CSTPP1: variants seen among roughly 807,000 people sequenced by gnomAD.
CSTPP1 encodes UPF0705 protein C11orf49.
chr11:47,003,560 CTCAGGATCCT>C, the CSTPP1 span, among the ~76,000 whole-genome samples: 105 of 152,342 alleles, frequency 6.9e-4, 1 homozygote, highest in African/African-American at 2.4e-3. Flanking sequence ...CAAATTGTCT[CTCAGGATCCT>C]TCAGGAGGGG....
At chr11:47,060,179 C>T in the CSTPP1 span, among the ~76,000 whole-genome samples, 4 of 150,826 alleles carry the variant, frequency 2.7e-5, no homozygotes, top group Middle Eastern at 3.5e-3. Context: ...AAGGCCACAG[C>T]GCTTATAAGT....
chr11:47,078,450 G>T, the CSTPP1 span, among the ~76,000 whole-genome samples: 3 of 152,196 alleles, frequency 2.0e-5, no homozygotes, highest in Non-Finnish European at 4.4e-5. Context: ...GTCTATGAAA[G>T]ATTTTTTAGA....
chr11:47,051,548 G>A, the CSTPP1 span, among the ~76,000 whole-genome samples: 2 of 151,868 alleles, frequency 1.3e-5, no homozygotes, highest in Admixed American at 1.3e-4. Context: ...TTGGCACATG[G>A]GATTTGTCTC....
At chr11:47,152,574 G>A in the CSTPP1 span, among the ~76,000 whole-genome samples, 19 of 152,216 alleles carry the variant, frequency 1.2e-4, no homozygotes, top group African/African-American at 4.1e-4. Context: ...CTTCTGCTCC[G>A]AGGCAGGCTC....
the CSTPP1 span, among the ~76,000 whole-genome samples, chr11:47,028,498 TACTGTAGTTCTAAGA>T: frequency 6.6e-6 from 1 of 152,138 alleles, no homozygotes; most frequent in Non-Finnish European, 1.5e-5. Flanking sequence ...TAATTAGAAA[TACTGTAGTTCTAAGA>T]ACTGTAGTTC....
chr11:47,074,501 GAAAAAAA>G, the CSTPP1 span, among the ~76,000 whole-genome samples: 501 of 115,186 alleles, frequency 4.3e-3, 2 homozygotes, highest in Middle Eastern at 8.3e-3. Context: ...TCCTGTCTCA[GAAAAAAA>G]AAAAAAAAAA....
chr11:46,974,866 AC>A, the CSTPP1 span, among the ~76,000 whole-genome samples: 2 of 10,112 alleles, frequency 2.0e-4, no homozygotes, highest in South Asian at 2.4e-3. Flanking sequence ...AAACACACAC[AC>A]ACACACACAC....
chr11:46,941,987 AT>A, the CSTPP1 span, among the ~76,000 whole-genome samples: 1 of 152,118 alleles, frequency 6.6e-6, no homozygotes. Flanking sequence ...CTAGCTAGGG[AT>A]TGTATTTACC....
At chr11:47,063,347 C>T in the CSTPP1 span, among the ~76,000 whole-genome samples, 5 of 152,102 alleles carry the variant, frequency 3.3e-5, no homozygotes, top group African/African-American at 1.2e-4. Flanking sequence ...AAACTTACCA[C>T]TTTAACCATT....
At chr11:47,015,256 C>T in the CSTPP1 span, among the ~76,000 whole-genome samples, 1 of 151,966 alleles carries the variant, frequency 6.6e-6, no homozygotes, top group Middle Eastern at 3.4e-3. Context: ...ATCGCGAGGT[C>T]AGGAGACTGA....
the CSTPP1 span, among the ~76,000 whole-genome samples, chr11:47,101,533 T>A: frequency 6.6e-6 from 1 of 151,908 alleles, no homozygotes. Context: ...CTTTGCATCT[T>A]CTCAGGAGCA....
At chr11:47,050,552 T>C in the CSTPP1 span, among the ~76,000 whole-genome samples, 1 of 152,186 alleles carries the variant, frequency 6.6e-6, no homozygotes, top group Non-Finnish European at 1.5e-5. Context: ...TTTGAGATGG[T>C]CTTTAAAAGC....
chr11:47,020,852 G>C, the CSTPP1 span, among the ~76,000 whole-genome samples: 1 of 152,166 alleles, frequency 6.6e-6, no homozygotes, highest in Non-Finnish European at 1.5e-5. Context: ...GTGTCCTGTG[G>C]TTGCCTCTCT....
chr11:47,118,426 T>A, the CSTPP1 span, among the ~76,000 whole-genome samples: 1 of 152,198 alleles, frequency 6.6e-6, no homozygotes, highest in Non-Finnish European at 1.5e-5. Flanking sequence ...AGTTTGTTAT[T>A]ACCAACCTTC....
the CSTPP1 span, among the ~76,000 whole-genome samples, chr11:47,081,164 C>A: frequency 6.6e-6 from 1 of 151,892 alleles, no homozygotes; most frequent in Non-Finnish European, 1.5e-5. Context: ...TGTCAGTGCT[C>A]CTTAATTTAA....
At chr11:46,998,221 A>G in the CSTPP1 span, among the ~76,000 whole-genome samples, 324 of 152,218 alleles carry the variant, frequency 2.1e-3, no homozygotes, top group African/African-American at 7.5e-3. Context: ...GTAAAGCTCT[A>G]TATTGTGCCA....
chr11:47,019,670 AAAAT>A, the CSTPP1 span, among the ~76,000 whole-genome samples: 1 of 152,192 alleles, frequency 6.6e-6, no homozygotes, highest in Admixed American at 6.5e-5. Flanking sequence ...GTGGCACCCC[AAAAT>A]AATTACAATA....
chr11:47,098,507 CTTTTTTT>C, the CSTPP1 span, among the ~76,000 whole-genome samples: 9 of 137,440 alleles, frequency 6.5e-5, no homozygotes, highest in East Asian at 1.3e-3. Flanking sequence ...TTTCTTTTTT[CTTTTTTT>C]TTTTTTTTGG....
the CSTPP1 span, among the ~76,000 whole-genome samples, chr11:47,059,767 T>A: frequency 9.9e-5 from 15 of 152,158 alleles, no homozygotes; most frequent in African/African-American, 3.6e-4. Flanking sequence ...ATCCACACAA[T>A]AAACATATGA....
Sources: allele counts gnomAD v4.1 joint callset (sites outside exome capture counted in the v4.1 genomes callset), GRCh38; gene constraint gnomAD v4.1.1; transcripts MANE v1.5; gene names NCBI Gene and HGNC (gene_info 2026-07-23, HGNC 2026-07-21).